The following SLC7A3 variants were observed in gnomAD, a reference collection of about 807,000 sequenced individuals.
SLC7A3 encodes cationic amino acid transporter 3.
In SLC7A3, 3 loss-of-function variants were observed where a neutral mutation model predicts 33.2. The ratio of observed to expected loss-of-function variants is 0.09; its 90% CI spans 0.04 to 0.23. The LOEUF (loss-of-function observed/expected upper bound fraction) is 0.23. Among genes scored for constraint, SLC7A3 ranks in the 10% least tolerant of loss-of-function variants. SLC7A3 has a pLI of 1.00. For synonymous variants in SLC7A3, 193 were observed against 195.1 expected (o/e 0.99, Z 0.09); for missense variants, 360 against 488.8 (o/e 0.74, Z 2.48).
At position 70,929,826 on chromosome X, in the gene SLC7A3, C is replaced by T. The variant is rs759991868; in HGVS notation, c.172G>A (p.Ala58Thr). 23 of 1,208,541 alleles carry T rather than the reference C, an allele frequency of 1.9e-5. No individual in the cohort carries two copies. Among genetic ancestry groups the T allele is most frequent in the Non-Finnish European group, 2.6e-5 (23 of 894,328 alleles). ...ATGGATGGCCCTGCTTTATCTTTGG[C>T]CACCTCGCCAGCTAGGACATACACG... ...AGVYVLAGEV[A>T]KDKAGPSIVI... is the part of the protein sequence containing the mutation. Residue 58 changes from alanine to threonine, a missense_variant, in exon 2 of 12, where the codon GCC becomes ACC. Physicochemically the swap from Ala to Thr is moderately conservative, Grantham distance 58. Transcript: ENST00000374299.
rs762806355 is a variant in SLC7A3 at position 70,930,118 on chromosome X, A to G, written c.-25-96T>C. On this transcript the variant is annotated intron_variant, in intron 1 of 11. Transcript: ENST00000374299. The stretch of plus-strand genomic sequence containing the variant: ...ACCCCCTCCACCAAGCAAAGGAGCT[A>G]TTGGGAAATGAGGACGGGGATATGG... 5.4e-5 allele frequency: 49 copies of G among 899,100 alleles called. No individual in the cohort carries two copies. The South Asian group carries it at 1.2e-3, about 21-fold the overall frequency. The allele number at this position is 899,100 out of a possible 1,213,427, so 74.1% of individuals were successfully genotyped here.
Position 70,925,753 on chromosome X carries a change from G to A in SLC7A3, c.*60C>T. On this transcript the variant is annotated 3_prime_UTR_variant, in exon 12 of 12. Coordinates refer to ENST00000374299, the MANE Select transcript of SLC7A3 (RefSeq NM_032803.6). ...CACAGGGGAGGGCTAGCTGTCACTG[G>A]GGTCAGGAGTACTCTCCATTATTGT... is the stretch of plus-strand genomic sequence containing the variant. The A allele has an allele frequency of 1.7e-6, 2 of 1,184,118 alleles. No individual in the cohort carries two copies. The highest frequency in any genetic ancestry group is 2.3e-6 in the Non-Finnish European group (2 of 873,559).
intron 9 of SLC7A3, 37 bp from the exon 10 acceptor site, chrX:70,926,730 CTT>C (rs1290167594): frequency 8.6e-7 from 1 of 1,169,084 alleles, no homozygotes; most frequent in African/African-American, 1.8e-5. Flanking sequence ...AAAACCAACT[CTT>C]AAGACCAACA....
At chrX:70,929,490 C>T (rs1037666587) in intron 2 of SLC7A3, 138 bp downstream of exon 2, 4 of 769,148 alleles carry the variant, frequency 5.2e-6, no homozygotes, top group African/African-American at 2.2e-5. Flanking sequence ...AACACCCCCC[C>T]CCAGACCCCC....
intron 10 of SLC7A3, 152 bp from the exon 11 acceptor site, chrX:70,926,330 A>G: frequency 1.5e-6 from 1 of 676,632 alleles, no homozygotes; most frequent in Non-Finnish European, 2.2e-6. Flanking sequence ...TGAGACTCCA[A>G]GAATATGCAG....
In SLC7A3 at chrX:70,926,167, C is replaced by T; in HGVS notation, c.1632G>A (p.Leu544=). ...STPLHFKVPA[L]PLLPLMSIFV... is the part of the protein sequence containing the mutation. Reference sequence around the variant, plus strand: ...AGATGCTCATTAGTGGGAGGAGAGGCAAAGCAGGCACCTGAAAACAAAGTA... The same window carrying T: ...AGATGCTCATTAGTGGGAGGAGAGGTAAAGCAGGCACCTGAAAACAAAGTA... The change falls in exon 11 of 12, where the codon TTG becomes TTA. Residue 544 remains leucine, a synonymous_variant. Transcript: ENST00000374299. The T allele has an allele frequency of 1.7e-6, 2 of 1,206,256 alleles. No individual in the cohort carries two copies. The highest frequency in any genetic ancestry group is 2.2e-6 in the Non-Finnish European group (2 of 891,566).
chrX:70,927,275 G>C lies in SLC7A3; in HGVS notation c.1286+7C>G. 8.4e-7 allele frequency: 1 copy of C among 1,197,541 alleles called. No homozygotes were observed. The highest frequency in any genetic ancestry group is 1.8e-5 in the South Asian group (1 of 56,049). ...CCAAATCACAGTATGCAGAGGAAGA[G>C]TCTCACCTGAGGATGAGAACACAAA... is the stretch of plus-strand genomic sequence containing the variant. On this transcript the variant is annotated splice_region_variant and intron_variant, in intron 8 of 11. Transcript: ENST00000374299.
Position 70,925,836 on chromosome X carries a change from T to G in SLC7A3, c.1837A>C (p.Thr613Pro). 8.3e-7 allele frequency: 1 copy of G among 1,210,413 alleles called. No homozygotes were observed. Among genetic ancestry groups the G allele is most frequent in the Non-Finnish European group, 1.1e-6 (1 of 895,170 alleles). Residue 613 changes from threonine to proline, a missense_variant, in exon 12 of 12, where the codon ACT becomes CCT. Physicochemically the swap from Thr to Pro is conservative, Grantham distance 38 (BLOSUM62 -1). Coordinates refer to ENST00000374299, the MANE Select transcript of SLC7A3 (RefSeq NM_032803.6). ...TGTCAAACTGAGTGGACATAGAGAG[T>G]GCCGGGATCAAGGTCTACAGTTTTG... ...RAKTVDLDPG[T>P]LYVHSV
chrX:70,929,518 A>T, intron 2 of SLC7A3, 110 bp downstream of exon 2: 1 of 930,313 alleles, frequency 1.1e-6, no homozygotes, highest in Non-Finnish European at 1.4e-6. Context: ...CCGCACATTT[A>T]GGGAGATTGA....
intron 1 of SLC7A3, among the ~76,000 whole-genome samples, chrX:70,930,687 C>G (rs942983821): frequency 8.9e-6 from 1 of 112,256 alleles, no homozygotes; most frequent in African/African-American, 3.2e-5. Context: ...GAGATGCGCC[C>G]CCAGAGGGGC....
intron 7 of SLC7A3, 25 bp downstream of exon 7, chrX:70,927,459 G>A (rs910484898): frequency 5.0e-6 from 6 of 1,209,602 alleles, no homozygotes; most frequent in Non-Finnish European, 5.6e-6. Flanking sequence ...AAACAACTAA[G>A]GGAAGGGGAA....
At chrX:70,929,073 T>C in intron 2 of SLC7A3, 71 bp from the exon 3 acceptor site, 3 of 1,058,266 alleles carry the variant, frequency 2.8e-6, no homozygotes, top group Non-Finnish European at 3.9e-6. Context: ...CACAAGTCCC[T>C]GCCTTTTTCA....
intron 1 of SLC7A3, among the ~76,000 whole-genome samples, chrX:70,930,366 T>C (rs2091908334): frequency 1.8e-5 from 2 of 111,615 alleles, no homozygotes; most frequent in African/African-American, 6.5e-5. Flanking sequence ...CCAGGAATCT[T>C]GAAACCTAAT....
intron 8 of SLC7A3, 74 bp from the exon 9 acceptor site, chrX:70,927,115 C>A: frequency 8.9e-7 from 1 of 1,122,758 alleles, no homozygotes; most frequent in Non-Finnish European, 1.2e-6. Context: ...GGCAGCTTAA[C>A]CTTCCTCATC....
At chrX:70,930,164 T>G in intron 1 of SLC7A3, 142 bp from the exon 2 acceptor site, 1 of 546,875 alleles carries the variant, frequency 1.8e-6, no homozygotes, top group Non-Finnish European at 2.8e-6. Context: ...GGCAAGTCAC[T>G]TTACCTCTAA....
At chrX:70,928,058 G>T in intron 5 of SLC7A3, 38 bp from the exon 6 acceptor site, 1 of 1,191,155 alleles carries the variant, frequency 8.4e-7, no homozygotes, top group Non-Finnish European at 1.1e-6. Context: ...TAGGGAAGCA[G>T]GCCCACTCCT....
In SLC7A3 at chrX:70,929,009, T is replaced by C; in HGVS notation, c.371-7A>G. On this transcript the variant is annotated splice_region_variant and splice_polypyrimidine_tract_variant and intron_variant, in intron 2 of 11. Coordinates refer to ENST00000374299, the MANE Select transcript of SLC7A3 (RefSeq NM_032803.6). The stretch of plus-strand genomic sequence containing the variant: ...CGGGCCACACTGGCTGTACCTGGTG[T>C]AGCAGAGAGAGAAACATGTGGCCAA... The C allele has an allele frequency of 8.3e-7, 1 of 1,209,924 alleles. No homozygotes were observed. Among genetic ancestry groups the C allele is most frequent in the Non-Finnish European group, 1.1e-6 (1 of 893,962 alleles).
Position 70,931,008 on chromosome X carries a change from A to G in SLC7A3, c.-57T>C, listed in dbSNP as rs1223991155. 2 of 110,771 alleles carry G rather than the reference A, an allele frequency of 1.8e-5. No individual in the cohort carries two copies. 9.1% of individuals were successfully genotyped at this position (110,771 alleles called of 1,213,427 possible). A position where few individuals can be genotyped will look rare whatever the true frequency, so the allele number is the denominator to read the frequency against. On this transcript the variant is annotated 5_prime_UTR_variant, in exon 1 of 12. Coordinates refer to ENST00000374299, the MANE Select transcript of SLC7A3 (RefSeq NM_032803.6). ...GCTGTTGCAAACCTAGGGAGCACAG[A>G]GTCTTGGACTGGGCTCGGTGAGGCG...
intron 11 of SLC7A3, 57 bp downstream of exon 11, chrX:70,926,013 G>T (rs2091895920): frequency 8.3e-7 from 1 of 1,207,316 alleles, no homozygotes. Flanking sequence ...AGACCAAGAG[G>T]GAAAGGAGCT....
Sources: gnomAD v4.1 joint callset for allele counts (sites outside exome capture counted in the v4.1 genomes callset) on GRCh38, gnomAD v4.1.1 for gene constraint, MANE v1.5 for transcripts, NCBI Gene and HGNC (gene_info 2026-07-23, HGNC 2026-07-21) for gene names.